The following ASAP1 variants were observed in gnomAD, a reference collection of about 807,000 sequenced individuals.
ASAP1 encodes ArfGAP with SH3 domain, ankyrin repeat and PH domain 1.
ASAP1 carries 43 observed loss-of-function variants against 145.2 expected under a neutral mutation model. That is an observed-to-expected ratio of 0.30 (90% CI 0.23 to 0.38). The LOEUF (loss-of-function observed/expected upper bound fraction) is 0.38, where lower values mean the gene tolerates loss of function less well. ASAP1 is among the 10% of genes least tolerant of loss of function. The probability of loss-of-function intolerance (pLI) is 1.00; values close to 1 mark genes in which losing one functional copy is unlikely to be tolerated. For missense variants in ASAP1, 1,018 were observed against 1,355.3 expected (o/e 0.75, Z 3.91); for synonymous variants, 546 against 515.5 (o/e 1.06, Z -0.80).
intron 13 of ASAP1, among the ~76,000 whole-genome samples, chr8:130,138,171 A>AT (rs1369033376): frequency 6.6e-6 from 1 of 152,186 alleles, no homozygotes; most frequent in Non-Finnish European, 1.5e-5. Flanking sequence ...GACACCTTCA[A>AT]TGACACACTG....
chr8:130,179,220 G>T, intron 9 of ASAP1, 44 bp downstream of exon 9: 1 of 1,161,890 alleles, frequency 8.6e-7, no homozygotes, highest in South Asian at 1.3e-5. Flanking sequence ...AAGTACAGGG[G>T]GCAGTAATTG....
chr8:130,441,174 A>G (rs955501009), intron 1 of ASAP1, among the ~76,000 whole-genome samples: 2 of 152,240 alleles, frequency 1.3e-5, no homozygotes, highest in Non-Finnish European at 2.9e-5. Flanking sequence ...TCATCTTTGC[A>G]GGACTGGCAC....
intron 28 of ASAP1, among the ~76,000 whole-genome samples, 159 bp downstream of exon 28, chr8:130,060,420 C>A (rs960588001): frequency 6.6e-6 from 1 of 152,152 alleles, no homozygotes; most frequent in African/African-American, 2.4e-5. Flanking sequence ...GGGTTTGTAA[C>A]CCACAGGCTC....
chr8:130,191,219 A>T (rs1815118096), intron 5 of ASAP1, among the ~76,000 whole-genome samples: 1 of 152,166 alleles, frequency 6.6e-6, no homozygotes, highest in Non-Finnish European at 1.5e-5. Flanking sequence ...GTGTGAAAGG[A>T]GTAACCAAAA....
chr8:130,275,288 AG>A (rs1244208406), intron 3 of ASAP1, among the ~76,000 whole-genome samples: 16 of 152,244 alleles, frequency 1.1e-4, no homozygotes, highest in Non-Finnish European at 8.8e-5. Context: ...GGGTGAACAA[AG>A]AAGCCTGTAA....
chr8:130,075,378 C>T (rs2097460021), intron 27 of ASAP1, among the ~76,000 whole-genome samples: 1 of 152,188 alleles, frequency 6.6e-6, no homozygotes, highest in African/African-American at 2.4e-5. Context: ...AAGTGTGTTA[C>T]TTCACTGAAG....
chr8:130,139,071 C>T lies in ASAP1; in HGVS notation c.1081-2033G>A, dbSNP rs183230657. Among the ~76,000 whole-genome samples the T allele has an allele frequency of 3.9e-5, 6 of 152,190 alleles. No homozygotes were observed. The East Asian group carries it at 1.2e-3, about 29-fold the overall frequency. On this transcript the variant is annotated intron_variant, in intron 13 of 29. Transcript: ENST00000518721. ...CAGTTAATGGTGAGAACAACTCTTG[C>T]TACGATATTATGTTCCAATTAGGAA...
intron 4 of ASAP1, among the ~76,000 whole-genome samples, chr8:130,219,382 C>T (rs1217194234): frequency 3.3e-5 from 5 of 151,980 alleles, no homozygotes; most frequent in Non-Finnish European, 5.9e-5. Flanking sequence ...GCAAGGGCAA[C>T]GGCAGAAGGG....
intron 4 of ASAP1, among the ~76,000 whole-genome samples, chr8:130,219,734 A>C (rs1230847824): frequency 1.3e-5 from 2 of 152,234 alleles, no homozygotes; most frequent in African/African-American, 4.8e-5. Context: ...ATTCTTTCCC[A>C]ATATTCCTAA....
At chr8:130,432,498 G>A (rs1345806162) in intron 1 of ASAP1, among the ~76,000 whole-genome samples, 1 of 152,146 alleles carries the variant, frequency 6.6e-6, no homozygotes, top group Non-Finnish European at 1.5e-5. Flanking sequence ...TGCCATGTGA[G>A]TTGTTCATCC....
At chr8:130,322,710 G>A (rs990245550) in intron 3 of ASAP1, among the ~76,000 whole-genome samples, 1 of 152,190 alleles carries the variant, frequency 6.6e-6, no homozygotes, top group Non-Finnish European at 1.5e-5. Context: ...GCTAGGGATT[G>A]TGAAGCATGT....
In ASAP1 at chr8:130,340,959, T is replaced by C. The variant is rs1015461480; in HGVS notation, c.186+17058A>G. The C allele has an allele frequency of 4.9e-5, 21 of 429,392 alleles. No individual in the cohort carries two copies. The East Asian group carries it at 1.6e-3, about 33-fold the overall frequency. The allele number at this position is 429,392 out of a possible 1,614,324, so 26.6% of individuals were successfully genotyped here. The stretch of plus-strand genomic sequence containing the variant: ...AAAATACTAGGTTTTTTTTTGTTTT[T>C]GTTTTTGTTTTTGTTTTTGTTTTGT... On this transcript the variant is annotated intron_variant, in intron 3 of 29. Coordinates refer to ENST00000518721, the MANE Select transcript of ASAP1 (RefSeq NM_018482.4).
chr8:130,060,777 C>T lies in ASAP1; in HGVS notation c.2994G>A (p.Leu998=), dbSNP rs753773187. The T allele has an allele frequency of 6.2e-7, 1 of 1,614,116 alleles. No individual in the cohort carries two copies. The highest frequency in any genetic ancestry group is 8.5e-7 in the Non-Finnish European group (1 of 1,180,030). ...DLPPKPQLGD[L]LAKSQTGDVS... is the part of the protein sequence containing the mutation. ...CATCTCCAGTCTGGGATTTTGCTAG[C>T]AGGTCTCCCAGCTGTGGTTTGGGGG... is the stretch of plus-strand genomic sequence containing the variant. Residue 998 remains leucine, a synonymous_variant, in exon 28 of 30, where the codon CTG becomes CTA. Transcript: ENST00000518721.
At chr8:130,245,503 C>T (rs1818793067) in intron 3 of ASAP1, among the ~76,000 whole-genome samples, 1 of 152,132 alleles carries the variant, frequency 6.6e-6, no homozygotes, top group East Asian at 1.9e-4. Flanking sequence ...TTTAACATAC[C>T]ACCTTCGACC....
intron 27 of ASAP1, 47 bp downstream of exon 27, chr8:130,076,301 G>A (rs1461962816): frequency 7.0e-7 from 1 of 1,437,942 alleles, no homozygotes; most frequent in African/African-American, 1.4e-5. Context: ...CTTGGAGGGG[G>A]TAGTGACACT....
chr8:130,064,815 C>T (rs1309393479), intron 27 of ASAP1, among the ~76,000 whole-genome samples: 1 of 152,114 alleles, frequency 6.6e-6, no homozygotes, highest in Non-Finnish European at 1.5e-5. Context: ...CAACAATCCC[C>T]TCTGGGTTTG....
rs529240374 is a variant in ASAP1 at position 130,118,141 on chromosome 8, AGAGAAAAC to A, written c.1880+12_1880+19del. On this transcript the variant is annotated intron_variant, in intron 20 of 29. Coordinates refer to ENST00000518721, the MANE Select transcript of ASAP1 (RefSeq NM_018482.4). ...ATAAGGCATATTCAGGTAATTCAAC[AGAGAAAAC>A]AAAAACGATACCAGTTTTGTACAAG... 9.8e-5 allele frequency: 157 copies of A among 1,607,624 alleles called. 1 individual carries two copies. The African/African-American group carries it at 1.9e-3, about 20-fold the overall frequency.
intron 3 of ASAP1, among the ~76,000 whole-genome samples, chr8:130,284,886 TGA>T (rs112517433): frequency 1.4e-4 from 18 of 124,328 alleles, no homozygotes; most frequent in Admixed American, 3.0e-4. Context: ...CACACCATAC[TGA>T]GAGAGAGAGA....
intron 3 of ASAP1, among the ~76,000 whole-genome samples, chr8:130,243,494 C>G (rs1189388288): frequency 6.6e-6 from 1 of 152,142 alleles, no homozygotes; most frequent in Non-Finnish European, 1.5e-5. Context: ...ATTCACTGTT[C>G]TTCCAATAAA....
Sources: gnomAD v4.1 joint callset for allele counts (sites outside exome capture counted in the v4.1 genomes callset) on GRCh38, gnomAD v4.1.1 for gene constraint, MANE v1.5 for transcripts, NCBI Gene and HGNC (gene_info 2026-07-23, HGNC 2026-07-21) for gene names.